Variants in MGST1 observed in about 807,000 individuals in gnomAD.
The protein encoded by MGST1 is microsomal glutathione S-transferase 1.
Under a neutral mutation model 8.9 loss-of-function variants are expected in MGST1, and 5 were observed. That is an observed-to-expected ratio of 0.56 (90% CI 0.29 to 1.19). The LOEUF (loss-of-function observed/expected upper bound fraction) is 1.19, where lower values mean the gene tolerates loss of function less well. Ranked by LOEUF, MGST1 falls within the 50% of genes most tolerant of loss-of-function variation. MGST1 has a pLI of 0.08. For synonymous variants in MGST1, 54 were observed against 67.8 expected, an observed-to-expected ratio of 0.80 and a Z score of 1.00; for missense variants, 182 against 187.4, an observed-to-expected ratio of 0.97 and a Z score of 0.17.
chr12:16,587,166 T>G lies in MGST1; in HGVS notation n.483-2362T>G, dbSNP rs1002368183. Among the ~76,000 whole-genome samples, 1 of 152,182 alleles carries G rather than the reference T, an allele frequency of 6.6e-6. No individual in the cohort carries two copies. The highest frequency in any genetic ancestry group is 1.5e-5 in the Non-Finnish European group (1 of 68,026). ...ATAGCAATTGTGGGTGCTGCTGACC[T>G]GTCAATCTCAAATATATTCATAAGC... is the stretch of plus-strand genomic sequence containing the variant. On this transcript the variant is annotated intron_variant and non_coding_transcript_variant, in intron 4 of 4. Coordinates refer to the MGST1 transcript ENST00000538857. The surrounding 1 kb of genome is among the most constrained non-coding windows in gnomAD (Gnocchi z 4.3).
intron 4 of MGST1, among the ~76,000 whole-genome samples, chr12:16,556,372 G>C (rs1341803512): frequency 6.6e-6 from 1 of 152,104 alleles, no homozygotes; most frequent in South Asian, 2.1e-4. Context: ...TTTAATGCAG[G>C]ATTCACGTTT....
rs1271792029 is a variant in MGST1 at position 16,559,629 on chromosome 12, A to C, written n.483-29899A>C. On this transcript the variant is annotated intron_variant and non_coding_transcript_variant, in intron 4 of 4. Transcript: ENST00000538857. The surrounding 1 kb of genome is among the most constrained non-coding windows in gnomAD (Gnocchi z 4.1). The stretch of plus-strand genomic sequence containing the variant: ...ATATTTGAAGTAACTGCAAAAGTAC[A>C]TATAGGACAGGGTTAAAATTTAAGG... Among the ~76,000 whole-genome samples, 1 of 152,134 alleles carries C rather than the reference A, an allele frequency of 6.6e-6. No individual in the cohort carries two copies. Among genetic ancestry groups the C allele is most frequent in the Non-Finnish European group, 1.5e-5 (1 of 68,024 alleles).
intron 1 of MGST1, among the ~76,000 whole-genome samples, chr12:16,414,357 C>CTTTTTTT (rs375736641): frequency 2.9e-5 from 3 of 103,156 alleles, no homozygotes; most frequent in Non-Finnish European, 3.9e-5. Flanking sequence ...TACCTGATTT[C>CTTTTTTT]TTTTTTTTTT....
At chr12:16,400,926 G>C (rs114544885) in intron 1 of MGST1, 2 of 1,291,084 alleles carry the variant, frequency 1.5e-6, no homozygotes, top group Non-Finnish European at 2.3e-6. Flanking sequence ...TGAATCTCCT[G>C]TTCTCCCTTT....
chr12:16,382,411 C>A (rs1411989069), upstream of MGST1, among the ~76,000 whole-genome samples: 2 of 152,126 alleles, frequency 1.3e-5, no homozygotes, highest in Non-Finnish European at 2.9e-5. Flanking sequence ...CACTCCAGAC[C>A]CTGTTTGCCT....
chr12:16,534,685 C>G (rs1941743765), intron 4 of MGST1, among the ~76,000 whole-genome samples: 1 of 152,034 alleles, frequency 6.6e-6, no homozygotes, highest in Non-Finnish European at 1.5e-5. Flanking sequence ...TTTTATTTTT[C>G]TAGACAATAA....
chr12:16,392,116 A>G (rs1484731943), intron 1 of MGST1, among the ~76,000 whole-genome samples: 1 of 152,158 alleles, frequency 6.6e-6, no homozygotes, highest in East Asian at 1.9e-4. Flanking sequence ...CTCTTTTTGT[A>G]CCATTACCAT....
At chr12:16,447,530 GA>G (rs1305185685) in intron 4 of MGST1, among the ~76,000 whole-genome samples, 5 of 151,938 alleles carry the variant, frequency 3.3e-5, no homozygotes, top group African/African-American at 4.8e-5. Flanking sequence ...TAAGGATTTA[GA>G]AAACTTTGGG....
intron 4 of MGST1, among the ~76,000 whole-genome samples, chr12:16,454,104 G>T (rs1441473624): frequency 6.6e-6 from 1 of 151,908 alleles, no homozygotes; most frequent in African/African-American, 2.4e-5. Flanking sequence ...GAGGAATCAG[G>T]TGACTTACCA....
rs1330243015 is a variant in MGST1, at chr12:16,363,962, G to A, written c.389G>A (p.Arg130Lys). ...TTGACACCCCTTCCCCAGCCAAATA[G>A]AGCTTTGAGTTTTTTTGTTGGATAT... The part of the protein sequence containing the change: ...AYLTPLPQPN[R>K]ALSFFVGYGV... Residue 130 changes from arginine (R) to lysine (K), a missense_variant, in exon 4 of 4, where the codon AGA (arginine) becomes AAA (lysine). Coordinates refer to ENST00000396210, the MANE Select transcript of MGST1 (RefSeq NM_020300.5). This position sits in a 1 kb window ranked among gnomAD's most constrained non-coding sequence, Gnocchi z 4.6. 6.2e-7 allele frequency: 1 copy of A among 1,613,870 alleles called. No homozygotes were observed. The highest frequency in any genetic ancestry group is 1.1e-5 in the South Asian group (1 of 91,060).
chr12:16,365,470 A>G (rs2137007243), downstream of MGST1, among the ~76,000 whole-genome samples: 1 of 152,330 alleles, frequency 6.6e-6, no homozygotes, highest in African/African-American at 2.4e-5. Flanking sequence ...TGTGCCACTC[A>G]AGAGAAAAGT....
At position 16,356,001 on chromosome 12, in the gene MGST1, T is replaced by G. The variant is rs570935104; in HGVS notation, c.127-1604T>G. ...TGCAGATGGCCATCTTCTCATTGTA[T>G]CCTCACATTGGCAGAGCACAGAGAG... is the stretch of plus-strand genomic sequence containing the variant. On this transcript the variant is annotated intron_variant, in intron 2 of 3. Transcript: ENST00000396210. Among the ~76,000 whole-genome samples the G allele has an allele frequency of 2.6e-5, 4 of 152,246 alleles. No individual in the cohort carries two copies. In the South Asian group the frequency reaches 8.3e-4, roughly 32 times the overall value.
At chr12:16,542,105 C>A (rs1481818703) in intron 4 of MGST1, among the ~76,000 whole-genome samples, 1 of 151,994 alleles carries the variant, frequency 6.6e-6, no homozygotes, top group African/African-American at 2.4e-5. Flanking sequence ...ATTTTTCAGG[C>A]AAGAGGAAGG....
At chr12:16,574,796 GGTGGTAGGTGGCATCCATTCTGTGA>G (rs1218956152) in intron 4 of MGST1, among the ~76,000 whole-genome samples, 1 of 152,160 alleles carries the variant, frequency 6.6e-6, no homozygotes, top group Non-Finnish European at 1.5e-5. Flanking sequence ...CATTTTGAGA[GGTGGTAGGTGGCATCCATTCTGTGA>G]GTGGGGAAAC....
At chr12:16,481,561 A>G (rs967933587) in intron 4 of MGST1, among the ~76,000 whole-genome samples, 2 of 152,224 alleles carry the variant, frequency 1.3e-5, no homozygotes, top group Non-Finnish European at 2.9e-5. Context: ...TTTAGAAAAT[A>G]TTCAAACAAA....
intron 4 of MGST1, among the ~76,000 whole-genome samples, chr12:16,521,030 C>T (rs1005771273): frequency 6.6e-6 from 1 of 152,104 alleles, no homozygotes; most frequent in African/African-American, 2.4e-5. Context: ...AGTCATGATG[C>T]CCTATAGTAC....
In MGST1 at chr12:16,468,777, G is replaced by A. The variant is rs1001515320; in HGVS notation, n.482+85173G>A. On this transcript the variant is annotated intron_variant and non_coding_transcript_variant, in intron 4 of 4. Transcript: ENST00000538857. The stretch of plus-strand genomic sequence containing the variant: ...TAGTATTTATTCACCCCTTCCTATA[G>A]GAATAGAAGCTCCATCTCCACCCTC... Among the ~76,000 whole-genome samples the A allele has an allele frequency of 2.6e-5, 4 of 152,180 alleles. No homozygotes were observed. In the East Asian group the frequency reaches 7.7e-4, roughly 29 times the overall value.
chr12:16,389,663 G>C lies in MGST1; in HGVS notation n.778+6059G>C, dbSNP rs1195248722. 6.6e-6 allele frequency among the ~76,000 whole-genome samples: 1 copy of C among 152,180 alleles called. No homozygotes were observed. Among genetic ancestry groups the C allele is most frequent in the Non-Finnish European group, 1.5e-5 (1 of 68,038 alleles). ...TACAGAGAAGCAAGGATTCCAGATGGAGGGAGAGTTTGGAATGTGAAAGAA... is the reference window on the plus strand; with the variant it reads ...TACAGAGAAGCAAGGATTCCAGATGCAGGGAGAGTTTGGAATGTGAAAGAA... On this transcript the variant is annotated intron_variant and non_coding_transcript_variant, in intron 1 of 1. Transcript: ENST00000359720. The surrounding 1 kb of genome is among the most constrained non-coding windows in gnomAD (Gnocchi z 4.6).
chr12:16,555,566 T>C lies in MGST1; in HGVS notation n.483-33962T>C, dbSNP rs1356171822. On this transcript the variant is annotated intron_variant and non_coding_transcript_variant, in intron 4 of 4. Coordinates refer to the MGST1 transcript ENST00000538857. The surrounding 1 kb of genome is among the most constrained non-coding windows in gnomAD (Gnocchi z 5.5). ...AACCAACAGCTTTAAATAACAAATG[T>C]ATTTTAGATGACTAATTTAAATTTG... Among the ~76,000 whole-genome samples, 2 of 152,252 alleles carry C rather than the reference T, an allele frequency of 1.3e-5. No individual in the cohort carries two copies. Among genetic ancestry groups the C allele is most frequent in the Admixed American group, 6.5e-5 (1 of 15,284 alleles).
Sources: allele counts gnomAD v4.1 joint callset (sites outside exome capture counted in the v4.1 genomes callset), GRCh38; gene constraint gnomAD v4.1.1; non-coding constraint Gnocchi (gnomAD v3.1); transcripts MANE v1.5; gene names NCBI Gene and HGNC (gene_info 2026-07-23, HGNC 2026-07-21).